The following TIE1 variants were observed in gnomAD, a reference collection of about 807,000 sequenced individuals.
TIE1 encodes tyrosine-protein kinase receptor Tie-1.
A neutral mutation model predicts 130.5 loss-of-function variants in TIE1; 89 were observed. The ratio of observed to expected loss-of-function variants is 0.68; its 90% CI spans 0.57 to 0.81. TIE1 has a LOEUF of 0.81. Among genes scored for constraint, TIE1 ranks in the 40% least tolerant of loss-of-function variants. TIE1 has a pLI of 0.00. For synonymous variants in TIE1, 568 were observed against 629.4 expected (o/e 0.90, Z 1.46); for missense variants, 1,392 against 1,559.8 (o/e 0.89, Z 1.81).
chr1:43,317,496 A>AC lies in TIE1; in HGVS notation c.2621-64dup. 3 of 1,608,040 alleles carry AC rather than the reference A, an allele frequency of 1.9e-6. No individual in the cohort carries two copies. Among genetic ancestry groups the AC allele is most frequent in the Non-Finnish European group, 2.6e-6 (3 of 1,174,618 alleles). On this transcript the variant is annotated intron_variant, in intron 15 of 22. Coordinates refer to ENST00000372476, the MANE Select transcript of TIE1 (RefSeq NM_005424.5). This position sits in a 1 kb window ranked among gnomAD's most constrained non-coding sequence, Gnocchi z 5.1. Reference sequence around the variant, plus strand: ...CCCACCTGGCTTCCTCCAGCAATTGACCCCAGCCCTTGCCAGCCCTTTCTC... The same window carrying AC: ...CCCACCTGGCTTCCTCCAGCAATTGACCCCCAGCCCTTGCCAGCCCTTTCTC...
Position 43,312,495 on chromosome 1 carries a change from G to T in TIE1, c.1821G>T (p.Leu607=). The T allele has an allele frequency of 3.1e-6, 5 of 1,612,988 alleles. No individual in the cohort carries two copies. Among genetic ancestry groups the T allele is most frequent in the Non-Finnish European group, 4.2e-6 (5 of 1,179,870 alleles). ...VSSPQARTAL[L]TGLTPGTHYQ... The stretch of plus-strand genomic sequence containing the variant: ...CCCCCCAGGCCCGCACTGCCCTCCT[G>T]ACGGGACTCACGCCTGGCACCCACT... Residue 607 remains leucine, a synonymous_variant, in exon 12 of 23, where the codon CTG becomes CTT. Transcript: ENST00000372476. This position sits in a 1 kb window ranked among gnomAD's most constrained non-coding sequence, Gnocchi z 5.6.
chr1:43,321,345 C>T (rs562854346), intron 20 of TIE1, 36 bp downstream of exon 20: 2 of 1,613,892 alleles, frequency 1.2e-6, no homozygotes, highest in South Asian at 2.2e-5. Context: ...GAGTGCCCCA[C>T]CTTACCCCAC....
rs1646727933 is a variant in TIE1, at chr1:43,306,333, G to C, written c.485-507G>C. Among the ~76,000 whole-genome samples the C allele has an allele frequency of 6.6e-6, 1 of 152,220 alleles. No homozygotes were observed. The highest frequency in any genetic ancestry group is 2.1e-4 in the South Asian group (1 of 4,832). ...TCAGGAATGTTAGGAGTCAAGAAGG[G>C]TGTGAAGACGAATGGGGCTGGATGG... On this transcript the variant is annotated intron_variant, in intron 3 of 22. Transcript: ENST00000372476. This position sits in a 1 kb window ranked among gnomAD's most constrained non-coding sequence, Gnocchi z 4.9.
rs767249698 is a variant in TIE1, at chr1:43,322,820, C to T, written c.*98C>T. The T allele has an allele frequency of 8.3e-7, 1 of 1,197,800 alleles. No homozygotes were observed. Among genetic ancestry groups the T allele is most frequent in the Non-Finnish European group, 1.2e-6 (1 of 842,068 alleles). The allele number at this position is 1,197,800 out of a possible 1,614,324, so 74.2% of individuals were successfully genotyped here. A position where few individuals can be genotyped will look rare whatever the true frequency, so the allele number is the denominator to read the frequency against. The stretch of plus-strand genomic sequence containing the variant: ...CCTTACAGCCTCTGACTTAAGCTGC[C>T]TCAAGGAATTTTTTTAACTTAAGGG... On this transcript the variant is annotated 3_prime_UTR_variant, in exon 23 of 23. Coordinates refer to ENST00000372476, the MANE Select transcript of TIE1 (RefSeq NM_005424.5). The surrounding 1 kb of genome is among the most constrained non-coding windows in gnomAD (Gnocchi z 4.0).
rs561721222 is a variant in TIE1 at position 43,304,937 on chromosome 1, G to A, written c.145G>A (p.Gly49Arg). ...FFLTCVSGEA[G>R]AGRGSDAWGP... is the part of the protein sequence containing the mutation. ...CCTGACTTGCGTGTCTGGGGAGGCCGGGGCGGGGAGGGGCTCGGACGCCTG... is the reference window on the plus strand; with the variant it reads ...CCTGACTTGCGTGTCTGGGGAGGCCAGGGCGGGGAGGGGCTCGGACGCCTG... The change falls in exon 2 of 23, where the codon GGG (glycine) becomes AGG (arginine). Residue 49 changes from glycine to arginine, a missense_variant. By Grantham distance (125) the Gly-to-Arg change is moderately radical. Around this residue, in one of 6 missense-constraint regions of TIE1, gnomAD observed 415 missense variants for 424.8 expected, o/e 0.98. Transcript: ENST00000372476. 7 of 1,444,278 alleles carry A rather than the reference G, an allele frequency of 4.8e-6. No homozygotes were observed. The African/African-American group carries it at 5.8e-5, about 12-fold the overall frequency. The allele number at this position is 1,444,278 out of a possible 1,614,324, so 89.5% of individuals were successfully genotyped here. A position where few individuals can be genotyped will look rare whatever the true frequency, so the allele number is the denominator to read the frequency against.
At position 43,319,622 on chromosome 1, in the gene TIE1, T is replaced by G; in HGVS notation, c.3107+93T>G. The G allele has an allele frequency of 2.2e-6, 3 of 1,336,254 alleles. No homozygotes were observed. Among genetic ancestry groups the G allele is most frequent in the Non-Finnish European group, 3.2e-6 (3 of 930,162 alleles). 82.8% of individuals were successfully genotyped at this position (1,336,254 alleles called of 1,614,324 possible). A position where few individuals can be genotyped will look rare whatever the true frequency, so the allele number is the denominator to read the frequency against. ...TATCTCAGAAATGTCATAGGTGGTC[T>G]AAGGCATGACCTGGGCTGTGTTCCA... On this transcript the variant is annotated intron_variant, in intron 19 of 22. Coordinates refer to ENST00000372476, the MANE Select transcript of TIE1 (RefSeq NM_005424.5). The surrounding 1 kb of genome is among the most constrained non-coding windows in gnomAD (Gnocchi z 4.7).
chr1:43,307,417 A>C lies in TIE1; in HGVS notation c.773-15A>C. 6.2e-7 allele frequency: 1 copy of C among 1,613,886 alleles called. No homozygotes were observed. Among genetic ancestry groups the C allele is most frequent in the Non-Finnish European group, 8.5e-7 (1 of 1,179,930 alleles). On this transcript the variant is annotated splice_polypyrimidine_tract_variant and intron_variant, in intron 5 of 22. Coordinates refer to ENST00000372476, the MANE Select transcript of TIE1 (RefSeq NM_005424.5). This position sits in a 1 kb window ranked among gnomAD's most constrained non-coding sequence, Gnocchi z 5.4. ...GCCCACAGAGGCCCATACACCCCAC[A>C]CACTCTCTTTCTAGCCTGCAGAGAG... is the stretch of plus-strand genomic sequence containing the variant.
At position 43,306,789 on chromosome 1, in the gene TIE1, G is replaced by A; in HGVS notation, c.485-51G>A. The A allele has an allele frequency of 6.4e-7, 1 of 1,552,086 alleles. No homozygotes were observed. Among genetic ancestry groups the A allele is most frequent in the Non-Finnish European group, 8.7e-7 (1 of 1,149,200 alleles). ...TGAGCAGAGGTGGACAGAGAGAGGT[G>A]ACACAGCCCTCATGTAGTGCTGAGG... On this transcript the variant is annotated intron_variant, in intron 3 of 22. Transcript: ENST00000372476. This position sits in a 1 kb window ranked among gnomAD's most constrained non-coding sequence, Gnocchi z 4.9.
At chr1:43,321,852 C>G in intron 22 of TIE1, 137 bp downstream of exon 22, 1 of 811,650 alleles carries the variant, frequency 1.2e-6, no homozygotes, top group South Asian at 1.6e-5. Context: ...CACGGCTAGG[C>G]TGGGCCCCAG....
chr1:43,310,971 G>A (rs1379351145), intron 9 of TIE1, among the ~76,000 whole-genome samples: 1 of 152,144 alleles, frequency 6.6e-6, no homozygotes, highest in Non-Finnish European at 1.5e-5. Context: ...CCTGTTAAAA[G>A]CACTAATGCA....
chr1:43,308,403 A>C (rs1646752380), intron 7 of TIE1, among the ~76,000 whole-genome samples: 1 of 148,084 alleles, frequency 6.8e-6, no homozygotes, highest in Admixed American at 6.6e-5. Flanking sequence ...GGAGTAGGGG[A>C]CCCAGGGATT....
chr1:43,313,988 C>G lies in TIE1; in HGVS notation c.2409+20C>G. 6.2e-7 allele frequency: 1 copy of G among 1,613,872 alleles called. No individual in the cohort carries two copies. ...GGCTCGGTCAGTGACCCGCCCCGCCCCTGGGTGCATGCTTGCAGCCCGTGT... is the reference window on the plus strand; with the variant it reads ...GGCTCGGTCAGTGACCCGCCCCGCCGCTGGGTGCATGCTTGCAGCCCGTGT... On this transcript the variant is annotated intron_variant, in intron 14 of 22. Coordinates refer to ENST00000372476, the MANE Select transcript of TIE1 (RefSeq NM_005424.5). The surrounding 1 kb of genome is among the most constrained non-coding windows in gnomAD (Gnocchi z 6.2).
chr1:43,301,622 G>A (rs890503353), intron 1 of TIE1, among the ~76,000 whole-genome samples: 11 of 151,512 alleles, frequency 7.3e-5, no homozygotes, highest in East Asian at 1.9e-4. Flanking sequence ...CTGTAATCCC[G>A]GCACTTTGGG....
At chr1:43,302,765 G>T (rs1368792567) in intron 1 of TIE1, among the ~76,000 whole-genome samples, 2 of 152,092 alleles carry the variant, frequency 1.3e-5, no homozygotes, top group Non-Finnish European at 2.9e-5. Flanking sequence ...TTTGGTCTTA[G>T]ATCACCGTGG....
intron 9 of TIE1, among the ~76,000 whole-genome samples, chr1:43,311,409 G>A (rs1646789224): frequency 6.6e-6 from 1 of 151,992 alleles, no homozygotes; most frequent in East Asian, 1.9e-4. Flanking sequence ...CACTGCATGG[G>A]AAGAGTGCAC....
In TIE1 at chr1:43,315,613, C is replaced by T. The variant is rs1646851351; in HGVS notation, c.2410-1586C>T. On this transcript the variant is annotated intron_variant, in intron 14 of 22. Coordinates refer to ENST00000372476, the MANE Select transcript of TIE1 (RefSeq NM_005424.5). The surrounding 1 kb of genome is among the most constrained non-coding windows in gnomAD (Gnocchi z 4.4). ...AGGTTGCAGTGAGCCAATATCACGC[C>T]ACTGCACTCCAGCCTGGATGACAGA... 6.6e-6 allele frequency among the ~76,000 whole-genome samples: 1 copy of T among 151,972 alleles called. No individual in the cohort carries two copies. Among genetic ancestry groups the T allele is most frequent in the Non-Finnish European group, 1.5e-5 (1 of 67,998 alleles).
chr1:43,313,629 C>A lies in TIE1; in HGVS notation c.2219-149C>A. 1 of 1,047,426 alleles carries A rather than the reference C, an allele frequency of 9.5e-7. No homozygotes were observed. The highest frequency in any genetic ancestry group is 1.4e-6 in the Non-Finnish European group (1 of 739,088). 64.9% of individuals were successfully genotyped at this position (1,047,426 alleles called of 1,614,324 possible). A position where few individuals can be genotyped will look rare whatever the true frequency, so the allele number is the denominator to read the frequency against. On this transcript the variant is annotated intron_variant, in intron 13 of 22. Transcript: ENST00000372476. This position sits in a 1 kb window ranked among gnomAD's most constrained non-coding sequence, Gnocchi z 6.2. Reference sequence around the variant, plus strand: ...GGAAAATCATGTCGCCCCTCTGACACCCCTCATCCCTTCCTTCATGTGGCC... The same window carrying A: ...GGAAAATCATGTCGCCCCTCTGACAACCCTCATCCCTTCCTTCATGTGGCC...
rs957299506 is a variant in TIE1 at position 43,318,609 on chromosome 1, T to G, written c.2922+537T>G. 1.3e-5 allele frequency among the ~76,000 whole-genome samples: 2 copies of G among 151,998 alleles called. No individual in the cohort carries two copies. The highest frequency in any genetic ancestry group is 6.5e-5 in the Admixed American group (1 of 15,268). The stretch of plus-strand genomic sequence containing the variant: ...ACCTCTGCCTCCTGGGTTCAAGCAA[T>G]TCTCCTGCCTCAGCCTCCTGAGTAG... On this transcript the variant is annotated intron_variant, in intron 17 of 22. Transcript: ENST00000372476. The surrounding 1 kb of genome is among the most constrained non-coding windows in gnomAD (Gnocchi z 4.4).
chr1:43,312,240 G>C lies in TIE1; in HGVS notation c.1631-65G>C. ...AGGTTGTTCTTCCTTGTTCACTGGG[G>C]ATCATTGTCCTGTCCAGCCCCAAGT... On this transcript the variant is annotated intron_variant, in intron 11 of 22. Coordinates refer to ENST00000372476, the MANE Select transcript of TIE1 (RefSeq NM_005424.5). This position sits in a 1 kb window ranked among gnomAD's most constrained non-coding sequence, Gnocchi z 5.6. The C allele has an allele frequency of 6.6e-7, 1 of 1,512,602 alleles. No individual in the cohort carries two copies. The highest frequency in any genetic ancestry group is 8.8e-7 in the Non-Finnish European group (1 of 1,130,178). The allele number at this position is 1,512,602 out of a possible 1,614,324, so 93.7% of individuals were successfully genotyped here.
Sources: allele counts gnomAD v4.1 joint callset (sites outside exome capture counted in the v4.1 genomes callset), GRCh38; gene constraint gnomAD v4.1.1; regional missense constraint gnomAD v4.1.1; non-coding constraint Gnocchi (gnomAD v3.1); transcripts MANE v1.5; gene names NCBI Gene and HGNC (gene_info 2026-07-23, HGNC 2026-07-21).